The following RGS6 variants were observed in gnomAD, a reference collection of about 807,000 sequenced individuals.
RGS6 encodes regulator of G protein signaling 6, also known as regulator of G-protein signaling 6.
A neutral mutation model predicts 78.5 loss-of-function variants in RGS6; 30 were observed. The ratio of observed to expected loss-of-function variants is 0.38; its 90% CI spans 0.29 to 0.52. RGS6 has a LOEUF of 0.52. RGS6 is among the 20% of genes least tolerant of loss of function. RGS6 has a pLI of 0.85. For missense variants in RGS6, 495 were observed against 609.7 expected (o/e 0.81, Z 1.98); for synonymous variants, 206 against 206.0 (o/e 1.00, Z 0.00).
intron 15 of RGS6, among the ~76,000 whole-genome samples, chr14:72,518,941 T>C (rs926184832): frequency 1.3e-5 from 2 of 152,182 alleles, no homozygotes; most frequent in Admixed American, 6.5e-5. Context: ...TAACCACCTC[T>C]CTACACTGCT....
chr14:72,500,044 A>G (rs2096702806), intron 13 of RGS6, among the ~76,000 whole-genome samples: 2 of 152,258 alleles, frequency 1.3e-5, no homozygotes, highest in African/African-American at 4.8e-5. Flanking sequence ...AACCTAATTC[A>G]CAATGATAAA....
intron 2 of RGS6, among the ~76,000 whole-genome samples, chr14:72,301,676 C>T (rs566702669): frequency 6.6e-6 from 1 of 152,266 alleles, no homozygotes; most frequent in Non-Finnish European, 1.5e-5. Context: ...TGGCTCCTAC[C>T]AAGAGCTGCC....
chr14:72,147,779 A>T (rs1297015926), intron 2 of RGS6, among the ~76,000 whole-genome samples: 1 of 152,214 alleles, frequency 6.6e-6, no homozygotes, highest in Non-Finnish European at 1.5e-5. Context: ...AGGTGGGATG[A>T]ATCCAGAGTG....
intron 2 of RGS6, among the ~76,000 whole-genome samples, chr14:72,333,997 C>T (rs1168062345): frequency 6.6e-6 from 1 of 152,244 alleles, no homozygotes; most frequent in Non-Finnish European, 1.5e-5. Context: ...CTTTGCTGCA[C>T]GTGTGTTACC....
chr14:72,522,536 G>A (rs903863725), intron 15 of RGS6, among the ~76,000 whole-genome samples: 6 of 152,190 alleles, frequency 3.9e-5, no homozygotes, highest in African/African-American at 1.4e-4. Context: ...TGTGGTCTAT[G>A]TCACAACTAT....
At chr14:72,206,202 T>G (rs1196569798) in intron 2 of RGS6, among the ~76,000 whole-genome samples, 1 of 152,192 alleles carries the variant, frequency 6.6e-6, no homozygotes, top group Admixed American at 6.5e-5. Context: ...CAGGGGCTTA[T>G]GCCTGTAATC....
intron 17 of RGS6, 115 bp downstream of exon 17, chr14:72,540,209 C>T: frequency 6.7e-7 from 1 of 1,487,262 alleles, no homozygotes; most frequent in Non-Finnish European, 9.1e-7. Flanking sequence ...GGGAGGGAGT[C>T]CAGTGCTTTC....
chr14:71,900,268 G>T, the RGS6 span, among the ~76,000 whole-genome samples: 1 of 152,138 alleles, frequency 6.6e-6, no homozygotes, highest in Non-Finnish European at 1.5e-5. Context: ...GCTACCTCAG[G>T]CTCCTGGCTG....
intron 2 of RGS6, among the ~76,000 whole-genome samples, chr14:72,344,160 G>T (rs2077551076): frequency 6.6e-6 from 1 of 152,010 alleles, no homozygotes; most frequent in Non-Finnish European, 1.5e-5. Flanking sequence ...GACTTAGAAG[G>T]TCATTCTTGT....
At chr14:72,394,192 T>G (rs1018659665) in intron 3 of RGS6, among the ~76,000 whole-genome samples, 9 of 151,994 alleles carry the variant, frequency 5.9e-5, no homozygotes, top group African/African-American at 2.2e-4. Context: ...AAGAGATAAA[T>G]TTTTAAAGCT....
intron 2 of RGS6, among the ~76,000 whole-genome samples, chr14:72,206,231 A>C (rs2042677417): frequency 6.6e-6 from 1 of 152,170 alleles, no homozygotes; most frequent in Admixed American, 6.5e-5. Flanking sequence ...TCGGGAGGCC[A>C]AGATGGGAGG....
At chr14:71,904,792 G>T in the RGS6 span, among the ~76,000 whole-genome samples, 1 of 99,536 alleles carries the variant, frequency 1.0e-5, no homozygotes, top group Non-Finnish European at 2.6e-5. Context: ...CTAATAACCC[G>T]AATATTTCTT....
chr14:72,098,597 TGAAAGA>T (rs1291996402), intron 2 of RGS6, among the ~76,000 whole-genome samples: 3 of 152,220 alleles, frequency 2.0e-5, no homozygotes, highest in Non-Finnish European at 4.4e-5. Flanking sequence ...TGGAGATAAT[TGAAAGA>T]GTTGCCAACA....
chr14:72,050,996 A>T (rs979956286), intron 2 of RGS6, among the ~76,000 whole-genome samples: 7 of 152,136 alleles, frequency 4.6e-5, no homozygotes, highest in African/African-American at 1.4e-4. Context: ...GTTCTTGTTT[A>T]ATTTCTGGGG....
In RGS6 at chr14:72,084,179, G is replaced by A. The variant is rs114204458; in HGVS notation, c.84+119304G>A. Among the ~76,000 whole-genome samples, 1,038 of 152,222 alleles carry A rather than the reference G, an allele frequency of 6.8e-3. 17 individuals carry two copies. The highest frequency in any genetic ancestry group is 0.024 in the African/African-American group (982 of 41,532). Reference sequence around the variant, plus strand: ...GTTTCAGGATGAAACTGTTCCCCTCGGATCATCAGGCATTAGATTCTCATA... The same window carrying A: ...GTTTCAGGATGAAACTGTTCCCCTCAGATCATCAGGCATTAGATTCTCATA... On this transcript the variant is annotated intron_variant, in intron 2 of 17. Coordinates refer to ENST00000553525, the MANE Select transcript of RGS6 (RefSeq NM_001204424.2).
chr14:72,570,969 G>T (rs1182085153), downstream of RGS6, among the ~76,000 whole-genome samples: 2 of 152,066 alleles, frequency 1.3e-5, no homozygotes, highest in Middle Eastern at 3.2e-3. Context: ...GAATTTCATT[G>T]CTATCTGGTA....
intron 12 of RGS6, among the ~76,000 whole-genome samples, chr14:72,491,934 C>G (rs2096583462): frequency 6.6e-6 from 1 of 152,138 alleles, no homozygotes. Context: ...ACAATCCTTC[C>G]CACCTACCAC....
chr14:72,381,607 A>G (rs1477872727), intron 3 of RGS6, among the ~76,000 whole-genome samples: 1 of 152,148 alleles, frequency 6.6e-6, no homozygotes, highest in African/African-American at 2.4e-5. Flanking sequence ...TCTTTCAACA[A>G]GAGCAAAATT....
At chr14:72,181,539 G>A (rs996114401) in intron 2 of RGS6, among the ~76,000 whole-genome samples, 8 of 152,208 alleles carry the variant, frequency 5.3e-5, no homozygotes, top group African/African-American at 9.7e-5. Context: ...GGGACTTGGA[G>A]CACCTATGTA....
Sources: allele counts gnomAD v4.1 joint callset (sites outside exome capture counted in the v4.1 genomes callset), GRCh38; gene constraint gnomAD v4.1.1; transcripts MANE v1.5; gene names NCBI Gene and HGNC (gene_info 2026-07-23, HGNC 2026-07-21).